Variants in RUFY4 observed in about 807,000 individuals in gnomAD.
RUFY4 encodes the protein RUN and FYVE domain containing 4.
A neutral mutation model predicts 69.0 loss-of-function variants in RUFY4; 73 were observed. The ratio of observed to expected loss-of-function variants is 1.06; its 90% CI spans 0.88 to 1.29. The LOEUF (loss-of-function observed/expected upper bound fraction) is 1.29. RUFY4 is among the 50% of genes most tolerant of loss of function. The probability of loss-of-function intolerance (pLI) is 0.00; values close to 1 mark genes in which losing one functional copy is unlikely to be tolerated. For synonymous variants in RUFY4, 287 were observed against 271.8 expected (o/e 1.06, Z -0.55); for missense variants, 770 against 705.6 (o/e 1.09, Z -1.03).
At chr2:218,070,108 G>T (rs1689448678), upstream of RUFY4, among the ~76,000 whole-genome samples, 1 of 152,152 alleles carries the variant, frequency 6.6e-6, no homozygotes, top group Non-Finnish European at 1.5e-5. Flanking sequence ...GGCACTCCAT[G>T]GGGAAGGAGT....
At chr2:218,068,225 T>C (rs1040802785), upstream of RUFY4, among the ~76,000 whole-genome samples, 1,890 of 53,676 alleles carry the variant, frequency 0.035, no homozygotes, top group South Asian at 0.065. Flanking sequence ...TGGCAGGGGG[T>C]TAGAGGAGGG....
At chr2:218,075,180 G>A (rs1346723975) in exon 7 of RUFY4, 21 of 1,557,380 alleles carry the variant, frequency 1.3e-5, no homozygotes, top group Non-Finnish European at 1.7e-5. Flanking sequence ...TGCACCCAGT[G>A]GACAGCAGCT....
intron 2 of RUFY4, among the ~76,000 whole-genome samples, chr2:218,038,672 A>C (rs1959015557): frequency 1.3e-5 from 2 of 152,172 alleles, no homozygotes; most frequent in Admixed American, 1.3e-4. Flanking sequence ...TTAAAAACAT[A>C]GCGGGTGAGG....
rs1958993410 is a variant in RUFY4, at chr2:218,037,286, C to T, written c.-1158+1892C>T. On this transcript the variant is annotated intron_variant and NMD_transcript_variant, in intron 2 of 13. Coordinates refer to the RUFY4 transcript ENST00000457754. Reference sequence around the variant, plus strand: ...AGTGAGTGGAGATAGCACCACTGCACTCCAGCCTGGGCAATAGTGCAAAAC... The same window carrying T: ...AGTGAGTGGAGATAGCACCACTGCATTCCAGCCTGGGCAATAGTGCAAAAC... 1.3e-5 allele frequency among the ~76,000 whole-genome samples: 2 copies of T among 151,076 alleles called. 1 individual carries two copies. The highest frequency in any genetic ancestry group is 4.2e-4 in the South Asian group (2 of 4,796).
intron 3 of RUFY4, 89 bp downstream of exon 5, chr2:218,072,588 G>T: frequency 6.7e-7 from 1 of 1,491,394 alleles, no homozygotes; most frequent in Non-Finnish European, 8.9e-7. Flanking sequence ...ACCGACCATA[G>T]ACCCCTCACC....
At chr2:218,056,226 G>GTT (rs1245570668) in intron 2 of RUFY4, among the ~76,000 whole-genome samples, 61 of 142,942 alleles carry the variant, frequency 4.3e-4, no homozygotes, top group African/African-American at 1.6e-3. Flanking sequence ...GTTGCTGGTT[G>GTT]TTGTTTTTTT....
Position 218,073,874 on chromosome 2 carries a change from GC to G in RUFY4, c.593del (p.Pro198GlnfsTer78). The G allele has an allele frequency of 6.2e-7, 1 of 1,613,908 alleles. No individual in the cohort carries two copies. The highest frequency in any genetic ancestry group is 1.1e-5 in the South Asian group (1 of 91,044). On this transcript the variant is annotated frameshift_variant, in exon 6 of 11. Transcript: ENST00000344321. LOFTEE classifies it high-confidence loss of function. ...AAGGAGACCCAGAAAAAACAAAGAT[GC>G]CCCAAAGAAGGTGCCTCTGCCCTGC...
exon 3 of RUFY4, chr2:218,072,420 A>C: frequency 6.5e-7 from 1 of 1,537,416 alleles, no homozygotes; most frequent in Non-Finnish European, 8.7e-7. Flanking sequence ...CGGAAGGATT[A>C]CTGGGACTTT....
chr2:218,083,040 G>T lies in RUFY4; in HGVS notation c.1356-70G>T, dbSNP rs568167744. 5.9e-6 allele frequency: 9 copies of T among 1,516,388 alleles called. No individual in the cohort carries two copies. The South Asian group carries it at 9.3e-5, about 16-fold the overall frequency. 93.9% of individuals were successfully genotyped at this position (1,516,388 alleles called of 1,614,324 possible). On this transcript the variant is annotated intron_variant, in intron 8 of 10. Coordinates refer to ENST00000344321, the Ensembl canonical transcript of RUFY4. ...TCCCATGGGCTCCCTCTCTGGAAGAGGCTCAGCCTAGCTCAGGCACAAAGG... is the reference window on the plus strand; with the variant it reads ...TCCCATGGGCTCCCTCTCTGGAAGATGCTCAGCCTAGCTCAGGCACAAAGG...
exon 1 of RUFY4, chr2:218,070,503 C>T: frequency 9.9e-7 from 1 of 1,013,784 alleles, no homozygotes; most frequent in South Asian, 1.4e-5. Flanking sequence ...TCTGTAGGCT[C>T]TGCGTCCTGC....
intron 3 of RUFY4, chr2:218,060,854 TG>T: frequency 6.6e-7 from 1 of 1,506,192 alleles, no homozygotes; most frequent in Non-Finnish European, 9.2e-7. Context: ...TAACATTGGA[TG>T]GGTAGAAGGT....
intron 2 of RUFY4, among the ~76,000 whole-genome samples, chr2:218,052,992 C>T (rs968845367): frequency 6.6e-6 from 1 of 152,060 alleles, no homozygotes; most frequent in African/African-American, 2.4e-5. Flanking sequence ...ATAAGGCTCA[C>T]CCTGTCACCC....
chr2:218,065,023 G>C (rs1689291451), upstream of RUFY4, among the ~76,000 whole-genome samples: 1 of 152,160 alleles, frequency 6.6e-6, no homozygotes, highest in African/African-American at 2.4e-5. Flanking sequence ...GTTCTGGATT[G>C]GGGGTTGGGG....
At chr2:218,076,002 A>G (rs1689623233) in intron 7 of RUFY4, among the ~76,000 whole-genome samples, 1 of 152,134 alleles carries the variant, frequency 6.6e-6, no homozygotes, top group Admixed American at 6.5e-5. Context: ...TTGGAGTTTG[A>G]GATCCCTTCC....
At chr2:218,042,000 A>G (rs1442413686) in intron 2 of RUFY4, among the ~76,000 whole-genome samples, 1 of 152,230 alleles carries the variant, frequency 6.6e-6, no homozygotes, top group Non-Finnish European at 1.5e-5. Flanking sequence ...CCTGGGATGT[A>G]AAATCACATA....
intron 8 of RUFY4, among the ~76,000 whole-genome samples, chr2:218,082,665 G>A (rs1689788408): frequency 6.6e-6 from 1 of 151,920 alleles, no homozygotes; most frequent in Admixed American, 6.6e-5. Context: ...TTGTGTGTCT[G>A]CATTATGGAT....
At chr2:218,090,616 T>G (rs956914888), downstream of RUFY4, 1 of 154,114 alleles carries the variant, frequency 6.5e-6, no homozygotes, top group Non-Finnish European at 1.4e-5. Context: ...CAAACACCAA[T>G]GAAACCGTCT....
At chr2:218,037,289 C>T (rs1958993454) in intron 2 of RUFY4, among the ~76,000 whole-genome samples, 1 of 149,802 alleles carries the variant, frequency 6.7e-6, no homozygotes, top group Admixed American at 6.7e-5. Flanking sequence ...CACTGCACTC[C>T]AGCCTGGGCA....
Position 218,072,970 on chromosome 2 carries a change from G to T in RUFY4, c.386+85G>T, listed in dbSNP as rs1689529007. ...AAAGAGCCCTCCTTTAACCCCCACA[G>T]ATGGCTTTCTATCAAGGACAGTTAC... On this transcript the variant is annotated intron_variant, in intron 4 of 10. Transcript: ENST00000344321. 7 of 1,140,878 alleles carry T rather than the reference G, an allele frequency of 6.1e-6. No individual in the cohort carries two copies. In the South Asian group the frequency reaches 7.9e-5, roughly 13 times the overall value. The allele number at this position is 1,140,878 out of a possible 1,614,324, so 70.7% of individuals were successfully genotyped here. A position where few individuals can be genotyped will look rare whatever the true frequency, so the allele number is the denominator to read the frequency against.
Sources: allele counts gnomAD v4.1 joint callset (sites outside exome capture counted in the v4.1 genomes callset), GRCh38; gene constraint gnomAD v4.1.1; transcripts MANE v1.5; gene names NCBI Gene and HGNC (gene_info 2026-07-23, HGNC 2026-07-21).